The following PREX2 variants were observed in gnomAD, a reference collection of about 807,000 sequenced individuals.
PREX2 encodes the protein phosphatidylinositol-3,4,5-trisphosphate dependent Rac exchange factor 2.
Under a neutral mutation model 203.2 loss-of-function variants are expected in PREX2, and 107 were observed. The observed-to-expected ratio is 0.53, with a 90% CI of 0.45 to 0.62. The LOEUF (loss-of-function observed/expected upper bound fraction) is 0.62, where lower values mean the gene tolerates loss of function less well. Ranked by LOEUF, PREX2 falls within the 20% of genes least tolerant of loss-of-function variation. The pLI is 0.00. For synonymous variants in PREX2, 672 were observed against 663.6 expected, an observed-to-expected ratio of 1.01 and a Z score of -0.19; for missense variants, 1,777 against 1,955.9, an observed-to-expected ratio of 0.91 and a Z score of 1.72.
intron 1 of PREX2, among the ~76,000 whole-genome samples, chr8:67,976,396 G>T (rs145646130): frequency 1.5e-5 from 1 of 66,310 alleles, no homozygotes; most frequent in East Asian, 1.3e-3. Context: ...GAGAGAGACA[G>T]AGAGAGAGAG....
chr8:67,975,367 G>A (rs1585668094), intron 1 of PREX2, among the ~76,000 whole-genome samples: 1 of 146,000 alleles, frequency 6.8e-6, no homozygotes, highest in East Asian at 2.1e-4. Context: ...GCAGGAACTG[G>A]GCCTTTTTCA....
intron 35 of PREX2, 49 bp from the exon 36 acceptor site, chr8:68,191,673 A>C (rs372762373): frequency 7.6e-7 from 1 of 1,323,418 alleles, no homozygotes; most frequent in Admixed American, 1.7e-5. Context: ...CATGCATATT[A>C]TGTCTTTTCC....
chr8:68,164,176 G>T (rs1319837275), intron 35 of PREX2, among the ~76,000 whole-genome samples: 1 of 152,020 alleles, frequency 6.6e-6, no homozygotes, highest in Admixed American at 6.6e-5. Context: ...ACCTAAGATG[G>T]CAAAGAGGAA....
At chr8:68,039,353 T>A (rs1329461517) in intron 7 of PREX2, among the ~76,000 whole-genome samples, 1 of 152,166 alleles carries the variant, frequency 6.6e-6, no homozygotes, top group East Asian at 1.9e-4. Flanking sequence ...GCCTGTAACT[T>A]AGCTGAGCAA....
At chr8:68,219,122 G>A (rs148189248) in intron 38 of PREX2, among the ~76,000 whole-genome samples, 3 of 152,018 alleles carry the variant, frequency 2.0e-5, no homozygotes, top group Non-Finnish European at 2.9e-5. Context: ...CTTGGGAAGC[G>A]CCATCTCAAA....
At chr8:68,205,782 C>T (rs766777114) in intron 37 of PREX2, among the ~76,000 whole-genome samples, 3 of 152,178 alleles carry the variant, frequency 2.0e-5, no homozygotes, top group Non-Finnish European at 2.9e-5. Context: ...TTACACAGAA[C>T]GGTGCATTTT....
intron 1 of PREX2, among the ~76,000 whole-genome samples, chr8:67,957,261 A>T (rs917596472): frequency 6.6e-6 from 1 of 151,974 alleles, no homozygotes; most frequent in African/African-American, 2.4e-5. Flanking sequence ...AATGCTCATT[A>T]GTTGATTTTA....
intron 31 of PREX2, among the ~76,000 whole-genome samples, chr8:68,130,114 C>CAAAAAAA (rs71253064): frequency 4.9e-5 from 5 of 102,668 alleles, no homozygotes; most frequent in African/African-American, 1.9e-4. Context: ...CCTGCCTCTG[C>CAAAAAAA]AAAAAAAAAA....
At chr8:67,972,553 A>G (rs949116511) in intron 1 of PREX2, among the ~76,000 whole-genome samples, 2 of 152,092 alleles carry the variant, frequency 1.3e-5, no homozygotes, top group African/African-American at 2.4e-5. Context: ...CCCCGTGACT[A>G]TCTTTTAACC....
chr8:68,004,570 A>G (rs371682495), intron 1 of PREX2, among the ~76,000 whole-genome samples: 7 of 152,370 alleles, frequency 4.6e-5, no homozygotes, highest in South Asian at 2.1e-4. Flanking sequence ...TAAAAGGACC[A>G]TGTCAAATGA....
intron 17 of PREX2, among the ~76,000 whole-genome samples, chr8:68,081,838 G>A (rs1418872636): frequency 6.6e-6 from 1 of 150,768 alleles, no homozygotes; most frequent in Non-Finnish European, 1.5e-5. Context: ...GGGATTACAG[G>A]CCCATGCCAC....
At chr8:68,204,754 G>A (rs1331627403) in intron 37 of PREX2, among the ~76,000 whole-genome samples, 1 of 133,390 alleles carries the variant, frequency 7.5e-6, no homozygotes, top group Non-Finnish European at 1.5e-5. Context: ...GCGTGATCTC[G>A]GCTCACTGCA....
intron 1 of PREX2, among the ~76,000 whole-genome samples, chr8:67,997,318 C>G (rs1450266029): frequency 6.6e-6 from 1 of 152,114 alleles, no homozygotes; most frequent in Non-Finnish European, 1.5e-5. Flanking sequence ...ATTTCTGAAA[C>G]TGCAGATAGT....
intron 25 of PREX2, among the ~76,000 whole-genome samples, chr8:68,112,379 A>G (rs1810552204): frequency 6.6e-6 from 1 of 152,198 alleles, no homozygotes; most frequent in Non-Finnish European, 1.5e-5. Context: ...GGGGACTGGT[A>G]GACATAGGGG....
intron 28 of PREX2, 116 bp downstream of exon 28, chr8:68,119,630 C>T: frequency 1.4e-6 from 1 of 715,764 alleles, no homozygotes; most frequent in Non-Finnish European, 2.5e-6. Context: ...TCTGTCCTTC[C>T]ACCTCCTTTA....
chr8:68,084,571 T>C (rs35936122), intron 18 of PREX2, among the ~76,000 whole-genome samples: 2 of 151,934 alleles, frequency 1.3e-5, no homozygotes, highest in African/African-American at 4.8e-5. Flanking sequence ...ATTCATTAAA[T>C]TAGATGCTTT....
intron 33 of PREX2, among the ~76,000 whole-genome samples, chr8:68,143,073 G>A (rs577219713): frequency 1.3e-3 from 195 of 152,144 alleles, no homozygotes; most frequent in African/African-American, 4.6e-3. Context: ...ATGATTATTT[G>A]CCATCTCTAT....
chr8:68,214,340 C>T (rs368121569), intron 37 of PREX2, among the ~76,000 whole-genome samples: 6 of 152,268 alleles, frequency 3.9e-5, no homozygotes, highest in South Asian at 2.1e-4. Flanking sequence ...GTCGAAGCTG[C>T]AGCGAGTTGG....
At chr8:68,192,080 G>A (rs1223879696) in intron 36 of PREX2, among the ~76,000 whole-genome samples, 1 of 152,092 alleles carries the variant, frequency 6.6e-6, no homozygotes, top group Non-Finnish European at 1.5e-5. Flanking sequence ...TTTTGAGGAT[G>A]GTGTTTACTT....
Sources: allele counts gnomAD v4.1 joint callset (sites outside exome capture counted in the v4.1 genomes callset), GRCh38; gene constraint gnomAD v4.1.1; transcripts MANE v1.5; gene names NCBI Gene and HGNC (gene_info 2026-07-23, HGNC 2026-07-21).